The following ADCY9 variants were observed in gnomAD, a reference collection of about 807,000 sequenced individuals.
ADCY9 encodes adenylate cyclase 9.
A neutral mutation model predicts 101.5 loss-of-function variants in ADCY9; 50 were observed. The observed-to-expected ratio is 0.49, with a 90% CI of 0.39 to 0.62. The LOEUF (loss-of-function observed/expected upper bound fraction) is 0.62. Among genes scored for constraint, ADCY9 ranks in the 20% least tolerant of loss-of-function variants. The pLI is 0.00. For synonymous variants in ADCY9, 905 were observed against 769.3 expected, an observed-to-expected ratio of 1.18 and a Z score of -2.92; for missense variants, 1,662 against 1,800.4, an observed-to-expected ratio of 0.92 and a Z score of 1.39.
intron 2 of ADCY9, among the ~76,000 whole-genome samples, chr16:4,080,201 A>G (rs2059937014): frequency 6.6e-6 from 1 of 152,098 alleles, no homozygotes; most frequent in African/African-American, 2.4e-5. Flanking sequence ...AAAAATTACC[A>G]CCTGTACCTA....
At position 3,966,191 on chromosome 16, in the gene ADCY9, A is replaced by C. The variant is rs2055992506; in HGVS notation, c.3646T>G (p.Leu1216Val). The change falls in exon 11 of 11, where the codon TTG (leucine) becomes GTG (valine). Residue 1216 changes from leucine (L) to valine (V), a missense_variant. Leu to Val is a conservative substitution (Grantham distance 32). Around this residue, in one of 5 missense-constraint regions of ADCY9, gnomAD observed 220 missense variants for 312.9 expected, o/e 0.70. Coordinates refer to ENST00000294016, the MANE Select transcript of ADCY9 (RefSeq NM_001116.4). The stretch of plus-strand genomic sequence containing the variant: ...TCGAAGTCATAGCCCATCTTGCTCA[A>C]GACGCGGTAGCTCTCTTCGCTCACC... ...IQVSEESYRVLSKMGYDFDYR... is the reference protein window; with the variant it reads ...IQVSEESYRVVSKMGYDFDYR... 1 of 1,614,180 alleles carries C rather than the reference A, an allele frequency of 6.2e-7. No individual in the cohort carries two copies. Among genetic ancestry groups the C allele is most frequent in the East Asian group, 2.2e-5 (1 of 44,882 alleles).
intron 2 of ADCY9, among the ~76,000 whole-genome samples, chr16:4,065,862 C>G (rs1296227319): frequency 2.6e-5 from 4 of 152,212 alleles, no homozygotes; most frequent in African/African-American, 9.6e-5. Flanking sequence ...CACTGCCACA[C>G]CCGGCTCAGT....
chr16:3,968,032 C>T (rs939596694), intron 10 of ADCY9, among the ~76,000 whole-genome samples: 4 of 151,910 alleles, frequency 2.6e-5, no homozygotes, highest in African/African-American at 9.7e-5. Context: ...GCTGACATGG[C>T]ACTTCAGCTC....
chr16:4,104,416 T>C (rs1450186353), intron 2 of ADCY9, among the ~76,000 whole-genome samples: 1 of 152,102 alleles, frequency 6.6e-6, no homozygotes, highest in Non-Finnish European at 1.5e-5. Flanking sequence ...AATTTCAGAT[T>C]CCATATTGCA....
intron 2 of ADCY9, among the ~76,000 whole-genome samples, chr16:4,018,951 T>TTGTGTGTGTGTGTGTGTGTGTGTGTG (rs58093859): frequency 0.057 from 7,888 of 138,770 alleles, 357 homozygotes; most frequent in South Asian, 0.077. Flanking sequence ...AGAATCGCAG[T>TTGTGTGTGTGTGTGTGTGTGTGTGTG]TGTGTGTGTG....
chr16:4,111,653 G>A (rs1283828516), intron 2 of ADCY9, among the ~76,000 whole-genome samples: 1 of 151,948 alleles, frequency 6.6e-6, no homozygotes, highest in South Asian at 2.1e-4. Context: ...ACAAAATCGT[G>A]GTCTCAGAGA....
intron 2 of ADCY9, among the ~76,000 whole-genome samples, chr16:4,011,942 G>T (rs1171346352): frequency 6.6e-6 from 1 of 152,250 alleles, no homozygotes; most frequent in Non-Finnish European, 1.5e-5. Flanking sequence ...TGATCAACAC[G>T]CACGCAGCAA....
rs1567132966 is a variant in ADCY9, at chr16:4,059,408, A to AAAAAGAAG, written c.1694-51851_1694-51850insCTTCTTTT. ...AAAAAAAAAAAAGAAAAAAAAAGAA[A>AAAAAGAAG]GAAAGAAAGTTAGAAGAAAAAACCA... On this transcript the variant is annotated intron_variant, in intron 2 of 10. Transcript: ENST00000294016. 4.2e-5 allele frequency among the ~76,000 whole-genome samples: 6 copies of AAAAAGAAG among 144,416 alleles called. No homozygotes were observed. The South Asian group carries it at 1.1e-3, about 26-fold the overall frequency. The allele number at this position is 144,416 out of a possible 152,430, so 94.7% of individuals were successfully genotyped here.
intron 2 of ADCY9, among the ~76,000 whole-genome samples, chr16:4,038,833 TCC>T (rs1329974007): frequency 2.0e-5 from 3 of 151,904 alleles, no homozygotes; most frequent in Non-Finnish European, 4.4e-5. Flanking sequence ...TTCCTTCCAC[TCC>T]CACTGCCTGA....
chr16:3,994,697 A>G (rs1276405922), intron 3 of ADCY9, among the ~76,000 whole-genome samples: 1 of 152,184 alleles, frequency 6.6e-6, no homozygotes, highest in Non-Finnish European at 1.5e-5. Context: ...ACCTCAGGTG[A>G]TCCACCCGTC....
intron 2 of ADCY9, among the ~76,000 whole-genome samples, chr16:4,068,460 C>A (rs997875833): frequency 2.6e-4 from 40 of 152,084 alleles, no homozygotes; most frequent in Non-Finnish European, 7.4e-5. Context: ...TTATTAAACA[C>A]GCTATTTTAT....
intron 2 of ADCY9, among the ~76,000 whole-genome samples, chr16:4,113,172 T>TAAAA (rs111589177): frequency 2.3e-4 from 34 of 147,116 alleles, no homozygotes; most frequent in Middle Eastern, 6.8e-3. Context: ...AAACTTTTTT[T>TAAAA]AAAAAAAAAA....
At position 4,098,934 on chromosome 16, in the gene ADCY9, C is replaced by T. The variant is rs570328050; in HGVS notation, c.1693+14816G>A. On this transcript the variant is annotated intron_variant, in intron 2 of 10. Coordinates refer to ENST00000294016, the MANE Select transcript of ADCY9 (RefSeq NM_001116.4). ...ATTGTTTTGGTTTTGTTTTGTTTTGCTTTGTTTTGTTTTTGGAGACAGAGT... is the reference window on the plus strand; with the variant it reads ...ATTGTTTTGGTTTTGTTTTGTTTTGTTTTGTTTTGTTTTTGGAGACAGAGT... 4.9e-3 allele frequency among the ~76,000 whole-genome samples: 748 copies of T among 151,790 alleles called. 4 individuals carry two copies. Among genetic ancestry groups the T allele is most frequent in the African/African-American group, 0.017 (718 of 41,352 alleles).
At chr16:4,024,713 G>A (rs1235401430) in intron 2 of ADCY9, among the ~76,000 whole-genome samples, 1 of 152,068 alleles carries the variant, frequency 6.6e-6, no homozygotes, top group Non-Finnish European at 1.5e-5. Context: ...TTAAGGTCTA[G>A]GCAGAACCGA....
At position 3,965,083 on chromosome 16, in the gene ADCY9, C is replaced by T. The variant is rs901288281; in HGVS notation, c.*692G>A. ...GGCTGGCATTTGCTGTCTTGGCCTG[C>T]ATGCATGTGGGCGAGCCCCTAAACC... On this transcript the variant is annotated 3_prime_UTR_variant, in exon 11 of 11. Transcript: ENST00000294016. 1 of 152,466 alleles carries T rather than the reference C, an allele frequency of 6.6e-6. No individual in the cohort carries two copies. Among genetic ancestry groups the T allele is most frequent in the African/African-American group, 2.4e-5 (1 of 41,476 alleles). 9.4% of individuals were successfully genotyped at this position (152,466 alleles called of 1,614,324 possible).
chr16:4,039,541 C>T (rs1266637097), intron 2 of ADCY9, among the ~76,000 whole-genome samples: 1 of 151,596 alleles, frequency 6.6e-6, no homozygotes, highest in Admixed American at 6.6e-5. Flanking sequence ...TAGCCAGGCA[C>T]GGTGGCATGT....
chr16:4,114,814 G>A lies in ADCY9; in HGVS notation c.629C>T (p.Thr210Ile), dbSNP rs749847952. The A allele has an allele frequency of 6.2e-7, 1 of 1,613,404 alleles. No homozygotes were observed. Among genetic ancestry groups the A allele is most frequent in the Admixed American group, 1.7e-5 (1 of 60,036 alleles). The change falls in exon 2 of 11, where the codon ACA becomes ATA. Residue 210 changes from threonine to isoleucine, a missense_variant. Transcript: ENST00000294016. The surrounding 1 kb of genome is among the most constrained non-coding windows in gnomAD (Gnocchi z 4.3). Reference protein sequence around the residue: ...GRGDSSNLTATARPTDTCLSQ... With the variant: ...GRGDSSNLTAIARPTDTCLSQ... ...TAAGCAAGTATCTGTGGGCCGGGCT[G>A]TGGCCGTAAGGTTGGAGCTGTCGCC...
intron 2 of ADCY9, among the ~76,000 whole-genome samples, chr16:4,086,708 G>C (rs1320134677): frequency 1.3e-5 from 2 of 152,090 alleles, no homozygotes. Flanking sequence ...CACCCAGGCT[G>C]AAGTGCAATG....
Position 4,113,864 on chromosome 16 carries a change from C to T in ADCY9, c.1579G>A (p.Gly527Ser), listed in dbSNP as rs371561050. 42 of 1,614,008 alleles carry T rather than the reference C, an allele frequency of 2.6e-5. No individual in the cohort carries two copies. Among genetic ancestry groups the T allele is most frequent in the Non-Finnish European group, 3.2e-5 (38 of 1,180,034 alleles). Residue 527 changes from glycine to serine, a missense_variant, in exon 2 of 11, where the codon GGC becomes AGC. Gly to Ser is a moderately conservative substitution (Grantham distance 56). Transcript: ENST00000294016. ...ANLMEQLGVA[G>S]KVHISEATAK... Reference sequence around the variant, plus strand: ...GTGGCCTCAGAAATGTGAACTTTGCCGGCCACTCCCAGCTGCTCCATGAGA... The same window carrying T: ...GTGGCCTCAGAAATGTGAACTTTGCTGGCCACTCCCAGCTGCTCCATGAGA...
Sources: allele counts gnomAD v4.1 joint callset (sites outside exome capture counted in the v4.1 genomes callset), GRCh38; gene constraint gnomAD v4.1.1; regional missense constraint gnomAD v4.1.1; non-coding constraint Gnocchi (gnomAD v3.1); transcripts MANE v1.5; gene names NCBI Gene and HGNC (gene_info 2026-07-23, HGNC 2026-07-21).